TBC1D5: variants seen among roughly 807,000 people sequenced by gnomAD.
The protein encoded by TBC1D5 is TBC1 domain family, member 5.
In TBC1D5, 75 loss-of-function variants were observed where a neutral mutation model predicts 100.3. That is an observed-to-expected ratio of 0.75 (90% CI 0.62 to 0.91). The LOEUF (loss-of-function observed/expected upper bound fraction) is 0.91, where lower values mean the gene tolerates loss of function less well. TBC1D5 is among the 40% of genes least tolerant of loss of function. The pLI is 0.00. For synonymous variants in TBC1D5, 323 were observed against 325.6 expected (o/e 0.99, Z 0.09); for missense variants, 910 against 942.4 (o/e 0.97, Z 0.45).
intron 15 of TBC1D5, among the ~76,000 whole-genome samples, chr3:17,267,674 C>G (rs763533014): frequency 6.6e-6 from 1 of 152,008 alleles, no homozygotes; most frequent in South Asian, 2.1e-4. Flanking sequence ...AAGAATAAGT[C>G]CTTGGACTGA....
At chr3:17,516,547 C>T (rs2095990835) in intron 2 of TBC1D5, among the ~76,000 whole-genome samples, 2 of 152,152 alleles carry the variant, frequency 1.3e-5, no homozygotes, top group South Asian at 2.1e-4. Context: ...ATCCTTGATA[C>T]ATCACTTCTA....
intron 2 of TBC1D5, among the ~76,000 whole-genome samples, chr3:17,560,294 G>A (rs577810216): frequency 2.0e-5 from 3 of 152,272 alleles, no homozygotes; most frequent in South Asian, 2.1e-4. Context: ...AAGGGCTGGA[G>A]GGAAAACCTA....
At chr3:17,338,567 A>G (rs2088321785) in intron 13 of TBC1D5, 1 of 152,190 alleles carries the variant, frequency 6.6e-6, no homozygotes, top group Admixed American at 6.5e-5. Context: ...ATAAATTCTC[A>G]TTTCACTACT....
At chr3:17,289,885 T>A (rs1335135775) in intron 15 of TBC1D5, among the ~76,000 whole-genome samples, 2 of 152,202 alleles carry the variant, frequency 1.3e-5, no homozygotes, top group Non-Finnish European at 2.9e-5. Context: ...CAAGTGACTT[T>A]AGTTACTACT....
intron 3 of TBC1D5, among the ~76,000 whole-genome samples, chr3:17,496,957 C>G (rs1181296206): frequency 6.6e-6 from 1 of 152,134 alleles, no homozygotes; most frequent in African/African-American, 2.4e-5. Flanking sequence ...ATTCCCCTGT[C>G]ACCCATGGTA....
At chr3:17,449,067 T>G (rs974662424) in intron 3 of TBC1D5, among the ~76,000 whole-genome samples, 3 of 151,918 alleles carry the variant, frequency 2.0e-5, no homozygotes, top group African/African-American at 7.3e-5. Context: ...GGTTAGAAAG[T>G]GGGTGCAGCC....
intron 1 of TBC1D5, among the ~76,000 whole-genome samples, chr3:17,685,173 A>C (rs190081024): frequency 2.0e-5 from 3 of 151,936 alleles, no homozygotes; most frequent in African/African-American, 7.3e-5. Flanking sequence ...AAAGCTAAAA[A>C]AAGCTGAAAT....
intron 1 of TBC1D5, among the ~76,000 whole-genome samples, chr3:17,687,197 T>C (rs2070418123): frequency 6.6e-6 from 1 of 152,132 alleles, no homozygotes; most frequent in Non-Finnish European, 1.5e-5. Context: ...TTACCTTTCT[T>C]AGAATCAATA....
chr3:17,414,338 A>G (rs761973281), intron 4 of TBC1D5, among the ~76,000 whole-genome samples: 4 of 152,216 alleles, frequency 2.6e-5, no homozygotes, highest in Admixed American at 1.3e-4. Context: ...AAAAATTGCC[A>G]TATTTAGTAT....
At chr3:17,740,290 T>TG (rs2154006928) in exon 1 of TBC1D5, 1 of 150,722 alleles carries the variant, frequency 6.6e-6, no homozygotes, top group South Asian at 2.1e-4. Flanking sequence ...ATCGAGCCAC[T>TG]GCACCACTGC....
intron 14 of TBC1D5, among the ~76,000 whole-genome samples, chr3:17,304,802 A>T (rs2083231030): frequency 6.6e-6 from 1 of 152,198 alleles, no homozygotes; most frequent in African/African-American, 2.4e-5. Flanking sequence ...CCTCTCTATC[A>T]GTTCTGCCCT....
chr3:17,632,898 G>C (rs2063611642), intron 1 of TBC1D5, among the ~76,000 whole-genome samples: 1 of 152,072 alleles, frequency 6.6e-6, no homozygotes, highest in Non-Finnish European at 1.5e-5. Context: ...TTGCTTTACT[G>C]TGGTGGCCTG....
intron 19 of TBC1D5, among the ~76,000 whole-genome samples, chr3:17,176,802 GA>G (rs548978025): frequency 2.2e-3 from 282 of 128,202 alleles, no homozygotes; most frequent in East Asian, 3.9e-3. Flanking sequence ...AAGTATGATT[GA>G]AAAAAAAAAA....
chr3:17,459,992 G>A (rs2095171783), intron 3 of TBC1D5, among the ~76,000 whole-genome samples: 1 of 152,148 alleles, frequency 6.6e-6, no homozygotes, highest in South Asian at 2.1e-4. Flanking sequence ...CATGGAACAT[G>A]GTCTATCTAA....
intron 2 of TBC1D5, among the ~76,000 whole-genome samples, chr3:17,613,347 C>T (rs369257170): frequency 5.3e-5 from 8 of 152,234 alleles, no homozygotes; most frequent in South Asian, 2.1e-4. Context: ...AATAAACATA[C>T]GTGTCTATGT....
chr3:17,255,657 T>C (rs2077575506), intron 16 of TBC1D5, among the ~76,000 whole-genome samples: 1 of 152,262 alleles, frequency 6.6e-6, no homozygotes, highest in Non-Finnish European at 1.5e-5. Flanking sequence ...TGTTGTATAG[T>C]AAAATCCATT....
intron 18 of TBC1D5, among the ~76,000 whole-genome samples, chr3:17,185,835 A>C (rs1366717554): frequency 6.6e-6 from 1 of 152,128 alleles, no homozygotes; most frequent in East Asian, 1.9e-4. Context: ...CTCTCTCTTG[A>C]TATGACACTA....
chr3:17,682,451 A>G (rs780714959), intron 1 of TBC1D5, among the ~76,000 whole-genome samples: 4 of 151,558 alleles, frequency 2.6e-5, no homozygotes, highest in South Asian at 2.1e-4. Context: ...ATCATTTACT[A>G]AAGTCAATTA....
At chr3:17,398,699 T>C (rs2093569950) in intron 8 of TBC1D5, among the ~76,000 whole-genome samples, 1 of 152,066 alleles carries the variant, frequency 6.6e-6, no homozygotes, top group South Asian at 2.1e-4. Flanking sequence ...CAAGAGCTCT[T>C]GTACATACTG....
Sources: allele counts gnomAD v4.1 joint callset (sites outside exome capture counted in the v4.1 genomes callset), GRCh38; gene constraint gnomAD v4.1.1; transcripts MANE v1.5; gene names NCBI Gene and HGNC (gene_info 2026-07-23, HGNC 2026-07-21).